LGR5: variants seen among roughly 807,000 people sequenced by gnomAD.
LGR5 encodes the protein leucine-rich repeat-containing G protein-coupled receptor 5.
A neutral mutation model predicts 76.7 loss-of-function variants in LGR5; 54 were observed. The observed-to-expected ratio is 0.70, with a 90% CI of 0.57 to 0.88. The LOEUF (loss-of-function observed/expected upper bound fraction) is 0.88, where lower values mean the gene tolerates loss of function less well. LGR5 is among the 40% of genes least tolerant of loss of function. The pLI, the probability that LGR5 is intolerant of heterozygous loss-of-function variation, is 0.00. For synonymous variants in LGR5, 406 were observed against 421.9 expected (o/e 0.96, Z 0.46); for missense variants, 1,078 against 1,073.3 (o/e 1.00, Z -0.06).
chr12:71,561,744 C>T (rs1454860886), intron 7 of LGR5, 37 bp from the exon 8 acceptor site: 2 of 1,309,742 alleles, frequency 1.5e-6, no homozygotes, highest in Non-Finnish European at 2.1e-6. Context: ...AATTTTACCC[C>T]ACACAGGATT....
In LGR5 at chr12:71,578,819, C is replaced by T. The variant is rs760369561; in HGVS notation, c.1296C>T (p.Asn432=). 2.9e-5 allele frequency: 46 copies of T among 1,609,084 alleles called. No individual in the cohort carries two copies. In the Middle Eastern group the frequency reaches 4.9e-4, roughly 17 times the overall value. Residue 432 remains asparagine, a synonymous_variant, in exon 15 of 18, where the codon AAC becomes AAT. Coordinates refer to ENST00000266674, the MANE Select transcript of LGR5 (RefSeq NM_003667.4). ...TGTTTTGCAGGGACCTATCGTCCAA[C>T]CTCCTGTCGTCTTTTCCTATAACTG... ...PSLIKLDLSS[N]LLSSFPITGL... is the part of the protein sequence containing the mutation.
chr12:71,579,572 T>A (rs1282670340), intron 15 of LGR5, among the ~76,000 whole-genome samples: 1 of 152,212 alleles, frequency 6.6e-6, no homozygotes, highest in African/African-American at 2.4e-5. Context: ...GATACAGGCA[T>A]GCAATATGTA....
intron 1 of LGR5, among the ~76,000 whole-genome samples, chr12:71,498,858 C>T (rs1874457951): frequency 6.6e-6 from 1 of 152,150 alleles, no homozygotes; most frequent in Non-Finnish European, 1.5e-5. Flanking sequence ...TATTTCCATG[C>T]AGTAAGAGGA....
chr12:71,441,446 G>A (rs1408695952), intron 1 of LGR5: 1 of 152,252 alleles, frequency 6.6e-6, no homozygotes, highest in African/African-American at 2.4e-5. Flanking sequence ...TGCAGTCCCA[G>A]TTTTCGGCTT....
chr12:71,576,844 A>C (rs914903847), intron 13 of LGR5, among the ~76,000 whole-genome samples: 1 of 152,156 alleles, frequency 6.6e-6, no homozygotes, highest in African/African-American at 2.4e-5. Context: ...CCTCAGTGAC[A>C]CGTATTTCTT....
intron 3 of LGR5, among the ~76,000 whole-genome samples, chr12:71,532,666 A>G (rs1876378950): frequency 1.3e-5 from 2 of 152,208 alleles, no homozygotes; most frequent in African/African-American, 4.8e-5. Context: ...CTTTTCAACC[A>G]GATGATATTA....
rs751024300 is a variant in LGR5, at chr12:71,583,805, A to G, written c.1795A>G (p.Ile599Val). ...ISPIKLLIGV[I>V]AAVNMLTGVS... Reference sequence around the variant, plus strand: ...CCCCATTAAACTGTTAATTGGGGTCATCGCAGCAGTGAACATGCTCACGGG... The same window carrying G: ...CCCCATTAAACTGTTAATTGGGGTCGTCGCAGCAGTGAACATGCTCACGGG... The change falls in exon 18 of 18, where the codon ATC (isoleucine) becomes GTC (valine). Residue 599 changes from isoleucine (I) to valine (V), a missense_variant. By Grantham distance (29) the Ile-to-Val change is conservative. Transcript: ENST00000266674. 4.6e-5 allele frequency: 74 copies of G among 1,614,018 alleles called. No individual in the cohort carries two copies. Among genetic ancestry groups the G allele is most frequent in the Non-Finnish European group, 6.1e-5 (72 of 1,180,036 alleles).
rs926319821 is a variant in LGR5, at chr12:71,555,228, G to A, written c.645-1391G>A. On this transcript the variant is annotated intron_variant, in intron 5 of 17. Coordinates refer to ENST00000266674, the MANE Select transcript of LGR5 (RefSeq NM_003667.4). ...TGTGATATTAAAAAATTTCTACACT[G>A]AATTTCACATATAAAGATGATGCTA... Among the ~76,000 whole-genome samples the A allele has an allele frequency of 2.0e-5, 3 of 152,106 alleles. No homozygotes were observed. The South Asian group carries it at 6.2e-4, about 32-fold the overall frequency.
chr12:71,502,287 T>C (rs1331035106), intron 1 of LGR5, among the ~76,000 whole-genome samples: 1 of 147,308 alleles, frequency 6.8e-6, no homozygotes, highest in East Asian at 2.1e-4. Flanking sequence ...AACCTCTGCC[T>C]CCTGGGTTCA....
chr12:71,468,196 A>G (rs1013217373), intron 1 of LGR5, among the ~76,000 whole-genome samples: 2 of 152,216 alleles, frequency 1.3e-5, no homozygotes, highest in African/African-American at 4.8e-5. Context: ...TTGGAAAAAT[A>G]AAATAAAATG....
chr12:71,491,665 G>A (rs766755583), intron 1 of LGR5, among the ~76,000 whole-genome samples: 2 of 151,000 alleles, frequency 1.3e-5, no homozygotes, highest in Non-Finnish European at 2.9e-5. Context: ...AATAACATGA[G>A]GCATCAGTGG....
At chr12:71,543,351 C>T (rs554364175) in intron 4 of LGR5, among the ~76,000 whole-genome samples, 1 of 152,278 alleles carries the variant, frequency 6.6e-6, no homozygotes, top group African/African-American at 2.4e-5. Flanking sequence ...TTAGTTTTCC[C>T]ATTGTCTCAA....
intron 4 of LGR5, among the ~76,000 whole-genome samples, chr12:71,550,351 G>A (rs887287053): frequency 2.0e-5 from 3 of 150,500 alleles, no homozygotes; most frequent in East Asian, 2.0e-4. Flanking sequence ...GGGTTTCACC[G>A]TGTTGGCTGG....
intron 1 of LGR5, among the ~76,000 whole-genome samples, chr12:71,492,063 G>T (rs1273732046): frequency 6.6e-6 from 1 of 151,994 alleles, no homozygotes; most frequent in East Asian, 1.9e-4. Flanking sequence ...TTAGGCAATG[G>T]CTTAGAATGG....
At chr12:71,456,194 G>A (rs967162100) in intron 1 of LGR5, among the ~76,000 whole-genome samples, 1 of 152,036 alleles carries the variant, frequency 6.6e-6, no homozygotes, top group Non-Finnish European at 1.5e-5. Flanking sequence ...ATTTAGATAA[G>A]TCCACATAAA....
intron 3 of LGR5, among the ~76,000 whole-genome samples, chr12:71,532,535 A>G (rs958998363): frequency 7.9e-5 from 12 of 152,246 alleles, no homozygotes; most frequent in Admixed American, 7.2e-4. Context: ...ACTCTCAGGC[A>G]TGGTGTTAAA....
chr12:71,569,728 A>C (rs1035498071), intron 11 of LGR5, among the ~76,000 whole-genome samples: 1 of 152,262 alleles, frequency 6.6e-6, no homozygotes, highest in African/African-American at 2.4e-5. Context: ...AATTAGTTCA[A>C]CCATTGTGGA....
intron 1 of LGR5, among the ~76,000 whole-genome samples, chr12:71,465,304 T>C (rs1872819955): frequency 6.6e-6 from 1 of 152,212 alleles, no homozygotes; most frequent in Admixed American, 6.5e-5. Context: ...AGGAGAATCA[T>C]GAAAGTGGAC....
chr12:71,448,084 A>AACACACACACACACACACAC (rs35911721), intron 1 of LGR5, among the ~76,000 whole-genome samples: 2,659 of 145,578 alleles, frequency 0.018, 46 homozygotes, highest in Non-Finnish European at 0.03. Flanking sequence ...CACACACACA[A>AACACACACACACACACACAC]ACACACACAC....
Sources: gnomAD v4.1 joint callset for allele counts (sites outside exome capture counted in the v4.1 genomes callset) on GRCh38, gnomAD v4.1.1 for gene constraint, MANE v1.5 for transcripts, NCBI Gene and HGNC (gene_info 2026-07-23, HGNC 2026-07-21) for gene names.